The following FGGY variants were observed in gnomAD, a reference collection of about 807,000 sequenced individuals.
FGGY encodes the protein FGGY carbohydrate kinase domain-containing protein.
In FGGY, 72 loss-of-function variants were observed where a neutral mutation model predicts 71.3. The ratio of observed to expected loss-of-function variants is 1.01; its 90% CI spans 0.84 to 1.23. FGGY has a LOEUF of 1.23. FGGY is among the 50% of genes most tolerant of loss of function. FGGY has a pLI of 0.00. For missense variants in FGGY, 668 were observed against 682.3 expected (o/e 0.98, Z 0.23); for synonymous variants, 251 against 250.3 (o/e 1.00, Z -0.02).
chr1:59,563,174 C>T (rs910706567), intron 8 of FGGY, among the ~76,000 whole-genome samples: 17 of 152,202 alleles, frequency 1.1e-4, no homozygotes, highest in Admixed American at 5.2e-4. Context: ...TGTCTTGTGC[C>T]GGTTTTCAAA....
intron 14 of FGGY, among the ~76,000 whole-genome samples, chr1:59,706,055 G>A (rs2097755750): frequency 6.6e-6 from 1 of 152,156 alleles, no homozygotes; most frequent in African/African-American, 2.4e-5. Context: ...TAGGAGGAGG[G>A]AAGCCAGGGC....
At chr1:59,510,336 G>A (rs2094490302) in intron 6 of FGGY, among the ~76,000 whole-genome samples, 1 of 152,162 alleles carries the variant, frequency 6.6e-6, no homozygotes, top group South Asian at 2.1e-4. Flanking sequence ...AATGAAATGA[G>A]AAAATGCATG....
intron 14 of FGGY, among the ~76,000 whole-genome samples, chr1:59,709,899 C>T (rs1399700597): frequency 2.0e-5 from 3 of 152,220 alleles, no homozygotes; most frequent in African/African-American, 4.8e-5. Context: ...GTCAGCCTGA[C>T]ACTCCATGGC....
chr1:59,478,727 A>G (rs572741539), intron 6 of FGGY, among the ~76,000 whole-genome samples: 1 of 152,342 alleles, frequency 6.6e-6, no homozygotes, highest in South Asian at 2.1e-4. Flanking sequence ...ATAAGTGTAG[A>G]TGATATTTGA....
Position 59,343,140 on chromosome 1 carries a change from A to G in FGGY, c.313+3071A>G, listed in dbSNP as rs577619390. On this transcript the variant is annotated intron_variant, in intron 3 of 15. Transcript: ENST00000303721. ...AGTCTCCTCTGTGCAACAGATACCT[A>G]ATGTTTAGATTTTTTTGCTGATTCA... 2.0e-5 allele frequency among the ~76,000 whole-genome samples: 3 copies of G among 152,230 alleles called. No individual in the cohort carries two copies. The South Asian group carries it at 6.2e-4, about 32-fold the overall frequency.
chr1:59,541,714 T>C (rs902547838), intron 7 of FGGY, among the ~76,000 whole-genome samples: 1 of 152,130 alleles, frequency 6.6e-6, no homozygotes, highest in South Asian at 2.1e-4. Flanking sequence ...ATGCAGAATA[T>C]ATCCGAAAGA....
At chr1:59,546,535 G>GATTATTATTATTATT (rs747576612) in intron 7 of FGGY, among the ~76,000 whole-genome samples, 3 of 129,350 alleles carry the variant, frequency 2.3e-5, no homozygotes, top group African/African-American at 6.2e-5. Context: ...TGATGATGAT[G>GATTATTATTATTATT]ATTATTATTA....
At chr1:59,598,564 C>T (rs896855694) in intron 8 of FGGY, among the ~76,000 whole-genome samples, 3 of 152,254 alleles carry the variant, frequency 2.0e-5, no homozygotes, top group East Asian at 1.9e-4. Flanking sequence ...TCAGTGCCCT[C>T]CCCACCCACT....
chr1:59,331,013 C>T (rs775120710), intron 2 of FGGY, among the ~76,000 whole-genome samples: 5 of 151,996 alleles, frequency 3.3e-5, no homozygotes, highest in Admixed American at 1.3e-4. Context: ...ACTGGGACCA[C>T]GTCTCTCTTG....
chr1:59,502,249 G>A (rs1485037857), intron 6 of FGGY, among the ~76,000 whole-genome samples: 1 of 152,156 alleles, frequency 6.6e-6, no homozygotes, highest in African/African-American at 2.4e-5. Context: ...TCTACAAAAA[G>A]AGCTCTGCCC....
chr1:59,586,898 T>C (rs2096301527), intron 8 of FGGY, among the ~76,000 whole-genome samples: 2 of 152,176 alleles, frequency 1.3e-5, no homozygotes. Context: ...CATTTCCATC[T>C]GAGGTACCGG....
chr1:59,667,258 G>A (rs1323328619), intron 12 of FGGY, 25 bp from the exon 13 acceptor site: 1 of 1,613,598 alleles, frequency 6.2e-7, no homozygotes, highest in Admixed American at 1.7e-5. Context: ...CTATACTGAT[G>A]CTATCTTCTG....
At chr1:59,589,667 C>G (rs1440096420) in intron 8 of FGGY, among the ~76,000 whole-genome samples, 1 of 151,952 alleles carries the variant, frequency 6.6e-6, no homozygotes, top group Non-Finnish European at 1.5e-5. Flanking sequence ...GGAAACTGAA[C>G]AACCTGCTCC....
intron 5 of FGGY, among the ~76,000 whole-genome samples, chr1:59,444,343 A>G (rs2070719651): frequency 6.6e-6 from 1 of 152,188 alleles, no homozygotes; most frequent in African/African-American, 2.4e-5. Flanking sequence ...TTCCATACAT[A>G]TAATGCATAG....
chr1:59,380,735 T>C (rs1470707581), intron 5 of FGGY, among the ~76,000 whole-genome samples: 7 of 151,650 alleles, frequency 4.6e-5, no homozygotes, highest in African/African-American at 1.7e-4. Context: ...TCTCCCATTC[T>C]GTAAGTTGCC....
At chr1:59,570,982 A>G (rs1194289847) in intron 8 of FGGY, among the ~76,000 whole-genome samples, 1 of 152,184 alleles carries the variant, frequency 6.6e-6, no homozygotes, top group East Asian at 1.9e-4. Context: ...TTGAAGCCAC[A>G]TCTTCCTCCA....
intron 7 of FGGY, among the ~76,000 whole-genome samples, chr1:59,533,156 T>C (rs1026139031): frequency 1.3e-5 from 2 of 152,220 alleles, no homozygotes; most frequent in African/African-American, 4.8e-5. Context: ...CCGCGCACCA[T>C]GCACGAGCTG....
At position 59,401,815 on chromosome 1, in the gene FGGY, G is replaced by A. The variant is rs567958130; in HGVS notation, c.554+22978G>A. On this transcript the variant is annotated intron_variant, in intron 5 of 15. Transcript: ENST00000303721. ...TCAATGTGAAAAGTCTTGTGACTAA[G>A]GAATGAACAGTACAATAAAGGAAAC... is the stretch of plus-strand genomic sequence containing the variant. 1.3e-3 allele frequency among the ~76,000 whole-genome samples: 194 copies of A among 152,240 alleles called. 3 individuals are homozygous for A. The highest frequency in any genetic ancestry group is 8.1e-4 in the Non-Finnish European group (55 of 68,024).
intron 11 of FGGY, among the ~76,000 whole-genome samples, chr1:59,658,664 G>A (rs2097245257): frequency 2.6e-5 from 4 of 152,188 alleles, no homozygotes; most frequent in African/African-American, 9.7e-5. Flanking sequence ...GCAATGGGGA[G>A]AACGTTTTAC....
Sources: allele counts gnomAD v4.1 joint callset (sites outside exome capture counted in the v4.1 genomes callset), GRCh38; gene constraint gnomAD v4.1.1; transcripts MANE v1.5; gene names NCBI Gene and HGNC (gene_info 2026-07-23, HGNC 2026-07-21).